Variants in INPP4B observed in about 807,000 individuals in gnomAD.
INPP4B encodes inositol polyphosphate 4-phosphatase type II.
INPP4B carries 55 observed loss-of-function variants against 122.5 expected under a neutral mutation model. The ratio of observed to expected loss-of-function variants is 0.45; its 90% CI spans 0.36 to 0.56. INPP4B has a LOEUF of 0.56. Ranked by LOEUF, INPP4B falls within the 20% of genes least tolerant of loss-of-function variation. INPP4B has a pLI of 0.00. For synonymous variants in INPP4B, 403 were observed against 388.7 expected (o/e 1.04, Z -0.43); for missense variants, 1,000 against 1,097.7 (o/e 0.91, Z 1.26).
chr4:142,275,772 GTTTA>G (rs1312770144), intron 9 of INPP4B, among the ~76,000 whole-genome samples: 2 of 151,798 alleles, frequency 1.3e-5, no homozygotes, highest in East Asian at 3.9e-4. Context: ...AAACTCTAGG[GTTTA>G]TTTCTCAGTT....
intron 7 of INPP4B, among the ~76,000 whole-genome samples, chr4:142,389,742 A>G (rs1797097285): frequency 6.6e-6 from 1 of 152,214 alleles, no homozygotes; most frequent in Non-Finnish European, 1.5e-5. Context: ...TACCAAGATT[A>G]AAATTTGCTA....
At chr4:142,061,345 T>C (rs1330152544) in intron 25 of INPP4B, among the ~76,000 whole-genome samples, 2 of 152,130 alleles carry the variant, frequency 1.3e-5, no homozygotes, top group Non-Finnish European at 2.9e-5. Flanking sequence ...CCAAGGTCCT[T>C]TCCAAATGCT....
chr4:142,099,607 T>C (rs750382294), intron 23 of INPP4B, among the ~76,000 whole-genome samples: 2 of 152,158 alleles, frequency 1.3e-5, no homozygotes, highest in African/African-American at 4.8e-5. Flanking sequence ...TAAACCCTTA[T>C]GTCTTCAAGT....
rs1024459037 is a variant in INPP4B at position 142,590,427 on chromosome 4, G to T, written c.-190-127701C>A. Among the ~76,000 whole-genome samples, 5 of 152,232 alleles carry T rather than the reference G, an allele frequency of 3.3e-5. No individual in the cohort carries two copies. The South Asian group carries it at 1.0e-3, about 32-fold the overall frequency. ...TTAGTGATTAAGACTGAAGACAAAA[G>T]GATCTGTACATAAGCACTGTACTCT... On this transcript the variant is annotated intron_variant, in intron 2 of 25. Coordinates refer to ENST00000262992, the MANE Select transcript of INPP4B (RefSeq NM_001101669.3).
At chr4:142,591,565 C>T (rs145705121) in intron 2 of INPP4B, among the ~76,000 whole-genome samples, 9 of 152,154 alleles carry the variant, frequency 5.9e-5, no homozygotes, top group African/African-American at 2.2e-4. Context: ...AGCAGAACTC[C>T]CCACTCCTTA....
intron 2 of INPP4B, among the ~76,000 whole-genome samples, chr4:142,685,945 TAG>T (rs771772202): frequency 2.6e-5 from 4 of 152,190 alleles, no homozygotes; most frequent in Non-Finnish European, 4.4e-5. Flanking sequence ...TTTAGAAAAC[TAG>T]AGTTTTGACG....
rs193147554 is a variant in INPP4B at position 142,512,892 on chromosome 4, C to T, written c.-190-50166G>A. ...AGCACAAGAGAAAATTACCCAAAAC[C>T]CACCACCACGGTAACTATATTTTTT... On this transcript the variant is annotated intron_variant, in intron 2 of 25. Coordinates refer to ENST00000262992, the MANE Select transcript of INPP4B (RefSeq NM_001101669.3). 1.5e-4 allele frequency among the ~76,000 whole-genome samples: 23 copies of T among 152,200 alleles called. No homozygotes were observed. In the East Asian group the frequency reaches 4.4e-3, roughly 29 times the overall value.
intron 2 of INPP4B, among the ~76,000 whole-genome samples, chr4:142,606,520 T>C (rs1741303915): frequency 6.6e-6 from 1 of 151,914 alleles, no homozygotes; most frequent in Non-Finnish European, 1.5e-5. Context: ...ATGTACCCTA[T>C]ACATGTGTAA....
chr4:142,178,438 G>A (rs758957382), intron 15 of INPP4B, among the ~76,000 whole-genome samples: 4 of 152,068 alleles, frequency 2.6e-5, no homozygotes, highest in Non-Finnish European at 5.9e-5. Flanking sequence ...GTTTGAAGAC[G>A]GCAGGAGGCA....
intron 2 of INPP4B, among the ~76,000 whole-genome samples, chr4:142,480,508 T>A (rs946628687): frequency 2.0e-5 from 3 of 152,112 alleles, no homozygotes; most frequent in African/African-American, 7.2e-5. Flanking sequence ...CTCAACTGGG[T>A]GCAAGGTAGT....
intron 2 of INPP4B, among the ~76,000 whole-genome samples, chr4:142,619,244 T>A (rs1192707761): frequency 6.6e-6 from 1 of 152,058 alleles, no homozygotes; most frequent in Non-Finnish European, 1.5e-5. Flanking sequence ...TGGATATTTA[T>A]CCAAAGGAAT....
intron 7 of INPP4B, among the ~76,000 whole-genome samples, chr4:142,357,271 C>G (rs1050572817): frequency 3.9e-5 from 6 of 151,962 alleles, no homozygotes; most frequent in Non-Finnish European, 7.4e-5. Context: ...TTGTGATTAG[C>G]ATCTGAAGTG....
At chr4:142,209,098 G>C in intron 12 of INPP4B, 72 bp from the exon 13 acceptor site, 1 of 1,076,800 alleles carries the variant, frequency 9.3e-7, no homozygotes, top group Middle Eastern at 2.9e-4. Flanking sequence ...CTTAGTCAGA[G>C]TTGTCAAGAT....
At chr4:142,256,382 CA>C (rs1168852909) in intron 11 of INPP4B, among the ~76,000 whole-genome samples, 1 of 151,498 alleles carries the variant, frequency 6.6e-6, no homozygotes, top group Non-Finnish European at 1.5e-5. Flanking sequence ...AATAGAGACA[CA>C]AAAAACCCTT....
chr4:142,045,867 A>C (rs1372820145), intron 25 of INPP4B, among the ~76,000 whole-genome samples: 1 of 152,132 alleles, frequency 6.6e-6, no homozygotes, highest in Non-Finnish European at 1.5e-5. Context: ...TATTCTAGTC[A>C]AAAAGGCAGA....
chr4:142,160,748 G>C (rs1411535567), intron 16 of INPP4B, among the ~76,000 whole-genome samples, 187 bp from the exon 17 acceptor site: 1 of 151,928 alleles, frequency 6.6e-6, no homozygotes, highest in African/African-American at 2.4e-5. Context: ...TGCTGCCAAG[G>C]CCTTAAGTCC....
intron 18 of INPP4B, among the ~76,000 whole-genome samples, chr4:142,136,046 C>A (rs1465561245): frequency 5.3e-5 from 8 of 152,192 alleles, no homozygotes; most frequent in Non-Finnish European, 1.0e-4. Flanking sequence ...ATCCACCTAC[C>A]TTGGCCTCCC....
chr4:142,838,001 T>C (rs529913414), intron 1 of INPP4B, among the ~76,000 whole-genome samples: 1 of 151,514 alleles, frequency 6.6e-6, no homozygotes, highest in South Asian at 2.1e-4. Context: ...AATGAAAAGC[T>C]AGACAAGTGC....
At chr4:142,290,837 T>C (rs1252637100) in intron 9 of INPP4B, among the ~76,000 whole-genome samples, 1 of 152,142 alleles carries the variant, frequency 6.6e-6, no homozygotes, top group Non-Finnish European at 1.5e-5. Context: ...TGGATATTTA[T>C]TTTCAAAGAA....
Sources: gnomAD v4.1 joint callset for allele counts (sites outside exome capture counted in the v4.1 genomes callset) on GRCh38, gnomAD v4.1.1 for gene constraint, MANE v1.5 for transcripts, NCBI Gene and HGNC (gene_info 2026-07-23, HGNC 2026-07-21) for gene names.